The following TFRC variants were observed in gnomAD, a reference collection of about 807,000 sequenced individuals.
TFRC encodes transferrin receptor protein 1.
A neutral mutation model predicts 85.8 loss-of-function variants in TFRC; 35 were observed. The ratio of observed to expected loss-of-function variants is 0.41; its 90% CI spans 0.31 to 0.54. The LOEUF (loss-of-function observed/expected upper bound fraction) is 0.54. Among genes scored for constraint, TFRC ranks in the 20% least tolerant of loss-of-function variants. The pLI is 0.31. For synonymous variants in TFRC, 362 were observed against 328.6 expected (o/e 1.10, Z -1.10); for missense variants, 828 against 921.5 (o/e 0.90, Z 1.31).
At chr3:196,073,790 T>C (rs1718428693) in intron 4 of TFRC, 140 bp downstream of exon 4, 2 of 863,176 alleles carry the variant, frequency 2.3e-6, no homozygotes, top group Non-Finnish European at 3.3e-6. Flanking sequence ...TACAGGCCCC[T>C]TCCCCTCTTT....
At chr3:196,065,676 A>G (rs1717679936) in intron 9 of TFRC, 76 bp from the exon 10 acceptor site, 7 of 1,461,276 alleles carry the variant, frequency 4.8e-6, no homozygotes, top group Non-Finnish European at 6.3e-6. Context: ...GTGAAGTTAC[A>G]GATTAAGAGG....
chr3:196,077,498 T>C (rs1003209084), intron 1 of TFRC, among the ~76,000 whole-genome samples: 5 of 151,700 alleles, frequency 3.3e-5, no homozygotes, highest in African/African-American at 4.8e-5. Flanking sequence ...ACACCTGTAA[T>C]CCTAGCACTT....
chr3:196,074,159 A>T lies in TFRC; in HGVS notation c.239-34T>A, dbSNP rs774409630. On this transcript the variant is annotated intron_variant, in intron 3 of 18. Transcript: ENST00000360110. ...ACAAAGTTCCAGAGCTGAACTCAGA[A>T]TTTCATTTGTAATCTATCCCTGTTA... 9 of 1,565,940 alleles carry T rather than the reference A, an allele frequency of 5.7e-6. No individual in the cohort carries two copies. The Admixed American group carries it at 1.7e-4, about 29-fold the overall frequency.
intron 16 of TFRC, among the ~76,000 whole-genome samples, chr3:196,056,272 G>T (rs1256706953): frequency 6.6e-6 from 1 of 151,946 alleles, no homozygotes; most frequent in Non-Finnish European, 1.5e-5. Context: ...CAAGTGATCT[G>T]CCCACCTCAG....
intron 4 of TFRC, among the ~76,000 whole-genome samples, chr3:196,072,594 G>A (rs1019707268): frequency 6.6e-5 from 10 of 152,060 alleles, no homozygotes; most frequent in African/African-American, 2.4e-4. Context: ...CAGCATATTA[G>A]TTCTTACATT....
intron 11 of TFRC, 61 bp from the exon 12 acceptor site, chr3:196,063,000 G>T: frequency 7.3e-7 from 1 of 1,377,920 alleles, no homozygotes; most frequent in Non-Finnish European, 1.0e-6. Context: ...AGGATGGAAG[G>T]TATCCCACTT....
intron 18 of TFRC, among the ~76,000 whole-genome samples, chr3:196,052,684 G>T (rs571387285): frequency 2.3e-4 from 35 of 152,040 alleles, no homozygotes; most frequent in Non-Finnish European, 3.7e-4. Context: ...CAGGTGATCC[G>T]CTTGCCTCGG....
intron 3 of TFRC, 92 bp from the exon 4 acceptor site, chr3:196,074,217 T>C: frequency 1.0e-5 from 13 of 1,245,504 alleles, no homozygotes; most frequent in Non-Finnish European, 1.3e-5. Flanking sequence ...GCCTTGAAAA[T>C]ACTGGTTTTC....
intron 2 of TFRC, 116 bp downstream of exon 2, chr3:196,076,948 T>C: frequency 1.0e-6 from 1 of 969,272 alleles, no homozygotes; most frequent in East Asian, 2.4e-5. Context: ...CCAATTCAAA[T>C]GTAAATGAAT....
rs1226444884 is a variant in TFRC at position 196,051,771 on chromosome 3, G to T, written c.*171C>A. On this transcript the variant is annotated 3_prime_UTR_variant, in exon 19 of 19. Transcript: ENST00000360110. Reference sequence around the variant, plus strand: ...TTATTCACTTTAACTTGAAGTACAGGTTATCTACCCTGTATTAAAAGCTGC... The same window carrying T: ...TTATTCACTTTAACTTGAAGTACAGTTTATCTACCCTGTATTAAAAGCTGC... The T allele has an allele frequency of 2.9e-6, 2 of 680,944 alleles. No individual in the cohort carries two copies. Among genetic ancestry groups the T allele is most frequent in the Non-Finnish European group, 4.8e-6 (2 of 413,872 alleles). 42.2% of individuals were successfully genotyped at this position (680,944 alleles called of 1,614,324 possible).
At chr3:196,060,137 C>T (rs1717148249) in intron 14 of TFRC, 43 bp downstream of exon 14, 3 of 1,531,620 alleles carry the variant, frequency 2.0e-6, no homozygotes. Context: ...GTTGATTCAA[C>T]AAAAATTAAG....
chr3:196,070,774 A>AAATAATAATAATAATAAT (rs58386151), intron 6 of TFRC, among the ~76,000 whole-genome samples: 7,237 of 135,686 alleles, frequency 0.053, 279 homozygotes, highest in Non-Finnish European at 0.071. Flanking sequence ...TGTCTCTACC[A>AAATAATAATAATAATAAT]AATAATAATA....
intron 7 of TFRC, 122 bp downstream of exon 7, chr3:196,069,333 C>T (rs1281958782): frequency 1.6e-6 from 1 of 637,362 alleles, no homozygotes; most frequent in East Asian, 2.9e-5. Flanking sequence ...ATTATATTAT[C>T]TGGTATGAGA....
intron 1 of TFRC, among the ~76,000 whole-genome samples, chr3:196,080,621 G>A (rs1719088607): frequency 6.6e-6 from 1 of 152,224 alleles, no homozygotes; most frequent in East Asian, 1.9e-4. Context: ...CATTATCAGA[G>A]GCAAGTAACT....
intron 11 of TFRC, 172 bp from the exon 12 acceptor site, chr3:196,063,111 C>T (rs1429094312): frequency 5.4e-6 from 3 of 555,304 alleles, no homozygotes; most frequent in African/African-American, 3.8e-5. Flanking sequence ...TTTTTTGAGA[C>T]CCCAGGTAAA....
intron 11 of TFRC, chr3:196,063,176 G>T (rs1717430541): frequency 1.5e-5 from 6 of 410,280 alleles, no homozygotes; most frequent in African/African-American, 6.2e-5. Flanking sequence ...GAGCAAGATA[G>T]GAGATCTGCA....
intron 14 of TFRC, 38 bp from the exon 15 acceptor site, chr3:196,058,670 G>T: frequency 6.7e-7 from 1 of 1,500,462 alleles, no homozygotes; most frequent in Non-Finnish European, 9.1e-7. Flanking sequence ...CTAACCTTTT[G>T]GAACTTATTT....
At chr3:196,058,735 G>A (rs1010844990) in intron 14 of TFRC, 103 bp from the exon 15 acceptor site, 8 of 669,074 alleles carry the variant, frequency 1.2e-5, no homozygotes, top group Non-Finnish European at 1.9e-5. Context: ...TAAAAAACTT[G>A]TATTATATCT....
chr3:196,074,285 C>T (rs927776769), intron 3 of TFRC, 160 bp from the exon 4 acceptor site: 23 of 576,536 alleles, frequency 4.0e-5, no homozygotes, highest in Non-Finnish European at 6.1e-5. Flanking sequence ...ATACTTTAAA[C>T]CACTTAATAA....
Sources: gnomAD v4.1 joint callset for allele counts (sites outside exome capture counted in the v4.1 genomes callset) on GRCh38, gnomAD v4.1.1 for gene constraint, MANE v1.5 for transcripts, NCBI Gene and HGNC (gene_info 2026-07-23, HGNC 2026-07-21) for gene names.